Variants in CUL9 observed in about 807,000 individuals in gnomAD.
The protein encoded by CUL9 is cullin 9.
Under a neutral mutation model 272.6 loss-of-function variants are expected in CUL9, and 79 were observed. The ratio of observed to expected loss-of-function variants is 0.29; its 90% CI spans 0.24 to 0.35. The LOEUF (loss-of-function observed/expected upper bound fraction) is 0.35, where lower values mean the gene tolerates loss of function less well. Ranked by LOEUF, CUL9 falls within the 10% of genes least tolerant of loss-of-function variation. CUL9 has a pLI of 1.00. For synonymous variants in CUL9, 1,186 were observed against 1,286.5 expected, an observed-to-expected ratio of 0.92 and a Z score of 1.67; for missense variants, 2,532 against 3,255.6, an observed-to-expected ratio of 0.78 and a Z score of 5.41.
chr6:43,205,475 G>A (rs1238211495), intron 24 of CUL9, 52 bp downstream of exon 24: 1 of 1,581,442 alleles, frequency 6.3e-7, no homozygotes, highest in Non-Finnish European at 8.7e-7. Context: ...TCTAGAGAGT[G>A]GAAAGATTTG....
At chr6:43,187,194 A>T in intron 5 of CUL9, 52 bp from the exon 6 acceptor site, 1 of 1,605,254 alleles carries the variant, frequency 6.2e-7, no homozygotes, top group Non-Finnish European at 8.5e-7. Context: ...GGGGTCCAGA[A>T]ATAGACCCCA....
chr6:43,207,743 T>C (rs528557168), intron 26 of CUL9, among the ~76,000 whole-genome samples: 82 of 152,350 alleles, frequency 5.4e-4, no homozygotes, highest in African/African-American at 1.9e-3. Flanking sequence ...ATGGTTTCTA[T>C]GATTCTGAAT....
intron 16 of CUL9, among the ~76,000 whole-genome samples, 166 bp from the exon 17 acceptor site, chr6:43,202,550 T>G (rs1403306895): frequency 2.6e-5 from 4 of 152,112 alleles, no homozygotes; most frequent in Non-Finnish European, 5.9e-5. Context: ...ATTTCCTTCT[T>G]TTGATTTTTA....
chr6:43,197,425 C>G (rs1206273576), intron 11 of CUL9, among the ~76,000 whole-genome samples: 1 of 151,974 alleles, frequency 6.6e-6, no homozygotes, highest in Non-Finnish European at 1.5e-5. Context: ...TATTATTGGA[C>G]AGTAGAAGAC....
In CUL9 at chr6:43,203,351, C is replaced by A; in HGVS notation, c.3850-66C>A. On this transcript the variant is annotated intron_variant, in intron 18 of 40. Coordinates refer to ENST00000252050, the MANE Select transcript of CUL9 (RefSeq NM_015089.4). This position sits in a 1 kb window ranked among gnomAD's most constrained non-coding sequence, Gnocchi z 5.0. ...GTTCTAGGGAGCTCAGGGCAGGAGG[C>A]TTGGCTTTGGTAGTACTTAGTGGCT... 3 of 1,605,194 alleles carry A rather than the reference C, an allele frequency of 1.9e-6. No homozygotes were observed. In the Admixed American group the frequency reaches 5.0e-5, roughly 27 times the overall value.
intron 3 of CUL9, 92 bp downstream of exon 3, chr6:43,185,702 C>T (rs545864146): frequency 1.2e-5 from 17 of 1,411,374 alleles, no homozygotes; most frequent in Non-Finnish European, 1.5e-5. Context: ...GCACCAGAGC[C>T]ACCTGGGAAC....
Position 43,200,458 on chromosome 6 carries a change from A to C in CUL9, c.3407A>C (p.Asp1136Ala), listed in dbSNP as rs1469255892. The change falls in exon 15 of 41, where the codon GAC (aspartate) becomes GCC (alanine). Residue 1136 changes from aspartate to alanine, a missense_variant. Asp to Ala is a moderately radical substitution (Grantham distance 126). Coordinates refer to ENST00000252050, the MANE Select transcript of CUL9 (RefSeq NM_015089.4). The surrounding 1 kb of genome is among the most constrained non-coding windows in gnomAD (Gnocchi z 4.0). ...CAGATGGTGCTGGGCCAGATCGAAG[A>C]CCACAGACGAACCCACCAACCCATC... ...CIQMVLGQIE[D>A]HRRTHQPINI... 6.2e-7 allele frequency: 1 copy of C among 1,613,950 alleles called. No individual in the cohort carries two copies. The highest frequency in any genetic ancestry group is 8.5e-7 in the Non-Finnish European group (1 of 1,180,016).
At chr6:43,198,579 C>T (rs371703210) in intron 11 of CUL9, 30 bp from the exon 12 acceptor site, 3 of 1,609,754 alleles carry the variant, frequency 1.9e-6, no homozygotes, top group Admixed American at 3.3e-5. Flanking sequence ...TCTTCATCCA[C>T]ATTTTTCCCT....
At chr6:43,210,623 T>C (rs527287955) in intron 26 of CUL9, among the ~76,000 whole-genome samples, 5 of 152,376 alleles carry the variant, frequency 3.3e-5, no homozygotes, top group Admixed American at 3.3e-4. Flanking sequence ...ATACCCTTAA[T>C]GTTTTAGGCA....
In CUL9 at chr6:43,223,413, G is replaced by A; in HGVS notation, c.7284+16G>A. 1 of 1,580,538 alleles carries A rather than the reference G, an allele frequency of 6.3e-7. No homozygotes were observed. Among genetic ancestry groups the A allele is most frequent in the East Asian group, 2.3e-5 (1 of 43,996 alleles). ...TTCTGCCCAGGTACTGCCCGGCCCA[G>A]ACCCCTTCTGCTCCTGCATTCTGCG... On this transcript the variant is annotated intron_variant, in intron 39 of 40. Coordinates refer to ENST00000252050, the MANE Select transcript of CUL9 (RefSeq NM_015089.4). The surrounding 1 kb of genome is among the most constrained non-coding windows in gnomAD (Gnocchi z 4.1).
At position 43,220,925 on chromosome 6, in the gene CUL9, A is replaced by G; in HGVS notation, c.6588+14A>G. The G allele has an allele frequency of 6.3e-7, 1 of 1,597,116 alleles. No homozygotes were observed. ...AGCTTCCCTGAGGTGGGAGCCCCAC[A>G]CTGGCCCTGACCCTGAGCAAGGATT... is the stretch of plus-strand genomic sequence containing the variant. On this transcript the variant is annotated intron_variant, in intron 33 of 40. Coordinates refer to ENST00000252050, the MANE Select transcript of CUL9 (RefSeq NM_015089.4). The surrounding 1 kb of genome is among the most constrained non-coding windows in gnomAD (Gnocchi z 4.9).
chr6:43,199,483 T>C lies in CUL9; in HGVS notation c.3156+112T>C. 1 of 773,042 alleles carries C rather than the reference T, an allele frequency of 1.3e-6. No homozygotes were observed. The highest frequency in any genetic ancestry group is 2.3e-6 in the Non-Finnish European group (1 of 443,186). The allele number at this position is 773,042 out of a possible 1,614,324, so 47.9% of individuals were successfully genotyped here. A position where few individuals can be genotyped will look rare whatever the true frequency, so the allele number is the denominator to read the frequency against. On this transcript the variant is annotated intron_variant, in intron 13 of 40. Coordinates refer to ENST00000252050, the MANE Select transcript of CUL9 (RefSeq NM_015089.4). The surrounding 1 kb of genome is among the most constrained non-coding windows in gnomAD (Gnocchi z 4.4). ...CCTTTCTGAATGGATCTTGGGGCAC[T>C]GGGATGGGTGTAGGAGGAGGAAGGG...
In CUL9 at chr6:43,213,422, C is replaced by T. The variant is rs749246109; in HGVS notation, c.5359-16C>T. On this transcript the variant is annotated splice_polypyrimidine_tract_variant and intron_variant, in intron 27 of 40. Transcript: ENST00000252050. This position sits in a 1 kb window ranked among gnomAD's most constrained non-coding sequence, Gnocchi z 5.7. ...TTCTTTCCTTTGACTCCTGACTGGG[C>T]GTTTCTGCTCATCAGGAGGTGTCAG... is the stretch of plus-strand genomic sequence containing the variant. 163 of 1,613,654 alleles carry T rather than the reference C, an allele frequency of 1.0e-4. No homozygotes were observed. The highest frequency in any genetic ancestry group is 1.3e-4 in the East Asian group (6 of 44,870).
chr6:43,196,281 T>A lies in CUL9; in HGVS notation c.2585+16T>A. 6.2e-7 allele frequency: 1 copy of A among 1,605,040 alleles called. No homozygotes were observed. The highest frequency in any genetic ancestry group is 8.5e-7 in the Non-Finnish European group (1 of 1,175,126). On this transcript the variant is annotated intron_variant, in intron 10 of 40. Transcript: ENST00000252050. ...ATACTGAGGGGTCAGGGCATTACCT[T>A]CCCAACTCCAGGCTCCTGCTTAGTC...
rs1414803975 is a variant in CUL9 at position 43,199,668 on chromosome 6, C to T, written c.3157-261C>T. 6.6e-6 allele frequency among the ~76,000 whole-genome samples: 1 copy of T among 151,102 alleles called. No homozygotes were observed. The highest frequency in any genetic ancestry group is 2.5e-5 in the African/African-American group (1 of 40,534). ...GGTTTGTGCATTGGAGAGCAAGGCT[C>T]AGGCACCAGGGTTAACATAGCTTGG... is the stretch of plus-strand genomic sequence containing the variant. On this transcript the variant is annotated intron_variant, in intron 13 of 40. Coordinates refer to ENST00000252050, the MANE Select transcript of CUL9 (RefSeq NM_015089.4). The surrounding 1 kb of genome is among the most constrained non-coding windows in gnomAD (Gnocchi z 4.4).
At chr6:43,219,454 G>A (rs1276948734) in intron 31 of CUL9, among the ~76,000 whole-genome samples, 7 of 152,122 alleles carry the variant, frequency 4.6e-5, no homozygotes, top group Non-Finnish European at 5.9e-5. Flanking sequence ...GTAAGAATAG[G>A]GTCTGAATTC....
chr6:43,207,084 T>A (rs1775105562), intron 26 of CUL9, among the ~76,000 whole-genome samples: 1 of 152,148 alleles, frequency 6.6e-6, no homozygotes, highest in African/African-American at 2.4e-5. Context: ...CCTCAGGTGA[T>A]CCACCCGCCT....
intron 26 of CUL9, among the ~76,000 whole-genome samples, chr6:43,209,147 C>CTTTTT (rs59098026): frequency 1.5e-5 from 2 of 131,050 alleles, no homozygotes; most frequent in Admixed American, 7.8e-5. Flanking sequence ...TTCTTTCTTT[C>CTTTTT]TTTTTTTTTT....
At position 43,184,199 on chromosome 6, in the gene CUL9, C is replaced by T. The variant is rs1482085078; in HGVS notation, c.-9-103C>T. ...GGCCTCCTAAATTCTACCATGCAGC[C>T]TACCGATCACCACCCACCTTCTCTG... On this transcript the variant is annotated intron_variant, in intron 1 of 40. Coordinates refer to ENST00000252050, the MANE Select transcript of CUL9 (RefSeq NM_015089.4). This position sits in a 1 kb window ranked among gnomAD's most constrained non-coding sequence, Gnocchi z 4.8. 4.7e-6 allele frequency: 4 copies of T among 842,610 alleles called. No homozygotes were observed. 52.2% of individuals were successfully genotyped at this position (842,610 alleles called of 1,614,324 possible).
Sources: gnomAD v4.1 joint callset for allele counts (sites outside exome capture counted in the v4.1 genomes callset) on GRCh38, gnomAD v4.1.1 for gene constraint, Gnocchi (gnomAD v3.1) non-coding constraint, MANE v1.5 for transcripts, NCBI Gene and HGNC (gene_info 2026-07-23, HGNC 2026-07-21) for gene names.